LMBR1: variants seen among roughly 807,000 people sequenced by gnomAD.
The protein encoded by LMBR1 is limb development membrane protein 1.
A neutral mutation model predicts 73.9 loss-of-function variants in LMBR1; 52 were observed. The ratio of observed to expected loss-of-function variants is 0.70; its 90% CI spans 0.56 to 0.89. The LOEUF is 0.89. Among genes scored for constraint, LMBR1 ranks in the 40% least tolerant of loss-of-function variants. The pLI, the probability that LMBR1 is intolerant of heterozygous loss-of-function variation, is 0.00. For synonymous variants in LMBR1, 215 were observed against 209.4 expected (o/e 1.03, Z -0.23); for missense variants, 539 against 579.8 (o/e 0.93, Z 0.72).
chr7:156,825,524 A>G (rs1039932851), intron 4 of LMBR1, among the ~76,000 whole-genome samples: 3 of 152,180 alleles, frequency 2.0e-5, no homozygotes, highest in African/African-American at 7.2e-5. Context: ...TGCCTTTAAT[A>G]TATACACCAA....
chr7:156,857,187 G>C (rs924615031), intron 1 of LMBR1, among the ~76,000 whole-genome samples: 34 of 151,700 alleles, frequency 2.2e-4, no homozygotes, highest in African/African-American at 7.0e-4. Flanking sequence ...TAATATGAAT[G>C]GTCTAAATAT....
chr7:156,810,729 A>C (rs914756916), intron 4 of LMBR1, among the ~76,000 whole-genome samples: 2 of 151,944 alleles, frequency 1.3e-5, no homozygotes, highest in Admixed American at 1.3e-4. Flanking sequence ...ATGGGGGAAT[A>C]AACATCCAAA....
At chr7:156,688,216 C>A (rs1806375116) in intron 15 of LMBR1, 25 bp from the exon 16 acceptor site, 1 of 1,539,986 alleles carries the variant, frequency 6.5e-7, no homozygotes, top group East Asian at 2.3e-5. Context: ...TAAAATAGCC[C>A]TTAATGAAAT....
At chr7:156,814,706 G>A (rs375120873) in intron 4 of LMBR1, among the ~76,000 whole-genome samples, 2 of 152,340 alleles carry the variant, frequency 1.3e-5, no homozygotes, top group East Asian at 3.9e-4. Flanking sequence ...TCACAAATAC[G>A]TGACCTTGAA....
At chr7:156,804,820 T>TA (rs79788998) in intron 4 of LMBR1, among the ~76,000 whole-genome samples, 66,957 of 151,932 alleles carry the variant, frequency 0.44, 14,923 homozygotes, top group East Asian at 0.61. Context: ...ACAGTATCTT[T>TA]AAAGAACAAA....
intron 4 of LMBR1, among the ~76,000 whole-genome samples, chr7:156,798,306 T>C (rs1187073676): frequency 1.3e-5 from 2 of 152,210 alleles, no homozygotes; most frequent in Non-Finnish European, 2.9e-5. Flanking sequence ...CAGAGGCTAC[T>C]AGTAACAGTG....
intron 4 of LMBR1, among the ~76,000 whole-genome samples, chr7:156,807,591 G>C (rs73166162): frequency 0.11 from 16,620 of 152,004 alleles, 1,163 homozygotes; most frequent in East Asian, 0.29. Flanking sequence ...TTCTGGCATT[G>C]TTTATCAATT....
At chr7:156,824,093 A>AACAAC (rs1835237365) in intron 4 of LMBR1, among the ~76,000 whole-genome samples, 1 of 150,088 alleles carries the variant, frequency 6.7e-6, no homozygotes, top group East Asian at 2.0e-4. Flanking sequence ...CCATCTCAAA[A>AACAAC]AACAACAACA....
chr7:156,677,088 A>G (rs1366871570), downstream of LMBR1: 1 of 156,746 alleles, frequency 6.4e-6, no homozygotes, highest in East Asian at 1.9e-4. Flanking sequence ...CTGTGTAATA[A>G]AATATAAAAA....
chr7:156,776,590 G>C (rs1563334128), intron 5 of LMBR1, among the ~76,000 whole-genome samples: 1 of 152,024 alleles, frequency 6.6e-6, no homozygotes, highest in Non-Finnish European at 1.5e-5. Context: ...CAGTGCCCTA[G>C]CCTAGCTCTG....
In LMBR1 at chr7:156,714,954, C is replaced by CT. The variant is rs58088822; in HGVS notation, c.1225+9157dup. On this transcript the variant is annotated intron_variant, in intron 15 of 16. Coordinates refer to ENST00000353442, the MANE Select transcript of LMBR1 (RefSeq NM_022458.4). Reference sequence around the variant, plus strand: ...AAGACTTATAAAAAAATACTTTTTTCTTTTTTTTTTTTTTTGAGACAGAGT... The same window carrying CT: ...AAGACTTATAAAAAAATACTTTTTTCTTTTTTTTTTTTTTTTGAGACAGAGT... 5.0e-3 allele frequency among the ~76,000 whole-genome samples: 711 copies of CT among 141,960 alleles called. 1 individual carries two copies. The highest frequency in any genetic ancestry group is 7.4e-3 in the Non-Finnish European group (478 of 64,670). 93.1% of individuals were successfully genotyped at this position (141,960 alleles called of 152,430 possible). A position where few individuals can be genotyped will look rare whatever the true frequency, so the allele number is the denominator to read the frequency against.
chr7:156,761,973 T>G (rs202181057), intron 8 of LMBR1, among the ~76,000 whole-genome samples, 161 bp downstream of exon 8: 17 of 83,368 alleles, frequency 2.0e-4, no homozygotes, highest in African/African-American at 8.4e-4. Context: ...CAAGACTCTG[T>G]CTCAAAAAAA....
At chr7:156,798,493 T>C (rs1830414362) in intron 4 of LMBR1, among the ~76,000 whole-genome samples, 1 of 152,178 alleles carries the variant, frequency 6.6e-6, no homozygotes, top group Non-Finnish European at 1.5e-5. Flanking sequence ...AAAGGTATCA[T>C]ATACGCAACT....
Position 156,836,417 on chromosome 7 carries a change from T to C in LMBR1, c.139+396A>G, listed in dbSNP as rs146478554. On this transcript the variant is annotated intron_variant, in intron 2 of 16. Transcript: ENST00000353442. The stretch of plus-strand genomic sequence containing the variant: ...AAGATGCTAGTAATTGGATACTAAA[T>C]AGTATTATGGAGACTCTAAATATCT... Among the ~76,000 whole-genome samples, 32 of 152,294 alleles carry C rather than the reference T, an allele frequency of 2.1e-4. No homozygotes were observed. In the East Asian group the frequency reaches 5.4e-3, roughly 26 times the overall value.
intron 9 of LMBR1, among the ~76,000 whole-genome samples, chr7:156,735,809 C>T (rs1356873203): frequency 1.3e-5 from 2 of 152,068 alleles, no homozygotes; most frequent in African/African-American, 4.8e-5. Context: ...TATACACACA[C>T]CTTTCATTTT....
chr7:156,680,911 A>G lies in LMBR1; in HGVS notation c.*3167T>C. On this transcript the variant is annotated 3_prime_UTR_variant, in exon 17 of 17. Transcript: ENST00000353442. Reference sequence around the variant, plus strand: ...TTTTGTACAACTTTTAATTTCTAAGACATTTAAAAAGTCACACTAAAAGTA... The same window carrying G: ...TTTTGTACAACTTTTAATTTCTAAGGCATTTAAAAAGTCACACTAAAAGTA... The G allele has an allele frequency of 4.1e-6, 1 of 241,696 alleles. No individual in the cohort carries two copies. The highest frequency in any genetic ancestry group is 6.1e-5 in the Admixed American group (1 of 16,284). The allele number at this position is 241,696 out of a possible 1,614,324, so 15.0% of individuals were successfully genotyped here.
In LMBR1 at chr7:156,763,697, G is replaced by A. The variant is rs756376000; in HGVS notation, c.522C>T (p.Asn174=). 9.4e-6 allele frequency: 15 copies of A among 1,594,116 alleles called. No individual in the cohort carries two copies. Among genetic ancestry groups the A allele is most frequent in the East Asian group, 2.3e-5 (1 of 43,124 alleles). ...ATAAAGATTCCATGCTTGCGGCATC[G>A]TTGTCAATGAGTGCTGAAGCTACCC... ...IVWVASALID[N]DAASMESLYD... Residue 174 remains asparagine, a synonymous_variant, in exon 6 of 17, where the codon AAC becomes AAT. Coordinates refer to ENST00000353442, the MANE Select transcript of LMBR1 (RefSeq NM_022458.4).
downstream of LMBR1, among the ~76,000 whole-genome samples, chr7:156,673,793 G>T (rs777442382): frequency 2.0e-5 from 3 of 151,908 alleles, no homozygotes; most frequent in Non-Finnish European, 4.4e-5. Flanking sequence ...GCTGTCTCAC[G>T]ATCTTTTTGC....
intron 1 of LMBR1, among the ~76,000 whole-genome samples, chr7:156,854,369 CTTT>C (rs1025147416): frequency 3.9e-5 from 6 of 152,132 alleles, no homozygotes; most frequent in African/African-American, 1.4e-4. Flanking sequence ...GACTCCCACA[CTTT>C]TTTAAAGTTT....
Sources: gnomAD v4.1 joint callset for allele counts (sites outside exome capture counted in the v4.1 genomes callset) on GRCh38, gnomAD v4.1.1 for gene constraint, MANE v1.5 for transcripts, NCBI Gene and HGNC (gene_info 2026-07-23, HGNC 2026-07-21) for gene names.